The following EPB41L1 variants were observed in gnomAD, a reference collection of about 807,000 sequenced individuals.
EPB41L1 encodes the protein band 4.1-like protein 1.
In EPB41L1, 29 loss-of-function variants were observed where a neutral mutation model predicts 97.8. The ratio of observed to expected loss-of-function variants is 0.30; its 90% CI spans 0.22 to 0.40. The LOEUF (loss-of-function observed/expected upper bound fraction) is 0.40, where lower values mean the gene tolerates loss of function less well. Among genes scored for constraint, EPB41L1 ranks in the 10% least tolerant of loss-of-function variants. EPB41L1 has a pLI of 1.00. For missense variants in EPB41L1, 812 were observed against 1,162.3 expected, an observed-to-expected ratio of 0.70 and a Z score of 4.38; for synonymous variants, 383 against 459.2, an observed-to-expected ratio of 0.83 and a Z score of 2.12.
chr20:36,104,842 G>A (rs966600397), intron 1 of EPB41L1, among the ~76,000 whole-genome samples: 5 of 152,294 alleles, frequency 3.3e-5, no homozygotes, highest in Admixed American at 2.6e-4. Flanking sequence ...CAAGAACACC[G>A]AGTGAACTGG....
intron 2 of EPB41L1, among the ~76,000 whole-genome samples, chr20:36,139,191 G>A (rs1232486042): frequency 2.6e-5 from 4 of 152,328 alleles, no homozygotes; most frequent in Non-Finnish European, 5.9e-5. Context: ...GAGACGGCCC[G>A]GCTAGGCCAA....
At chr20:36,171,490 C>A (rs1342649149) in intron 1 of EPB41L1, among the ~76,000 whole-genome samples, 1 of 152,174 alleles carries the variant, frequency 6.6e-6, no homozygotes, top group Non-Finnish European at 1.5e-5. Context: ...TCCTCCTCAT[C>A]TTCCTTCTAA....
intron 11 of EPB41L1, among the ~76,000 whole-genome samples, chr20:36,193,157 G>A (rs1272937869): frequency 6.6e-6 from 1 of 152,188 alleles, no homozygotes; most frequent in Non-Finnish European, 1.5e-5. Flanking sequence ...GCAGAGGTTA[G>A]CCCAGAGCTG....
chr20:36,222,139 C>A lies in EPB41L1; in HGVS notation c.2521-139C>A, dbSNP rs1031442975. On this transcript the variant is annotated intron_variant, in intron 20 of 21. Transcript: ENST00000338074. ...GGAGCCAGAAGACCTGAGCTCTAGTCTCTCCCTTTAGTTGTTTGACTTTGC... is the reference window on the plus strand; with the variant it reads ...GGAGCCAGAAGACCTGAGCTCTAGTATCTCCCTTTAGTTGTTTGACTTTGC... 18 of 970,420 alleles carry A rather than the reference C, an allele frequency of 1.9e-5. No individual in the cohort carries two copies. The Admixed American group carries it at 2.2e-4, about 12-fold the overall frequency. The allele number at this position is 970,420 out of a possible 1,614,324, so 60.1% of individuals were successfully genotyped here.
intron 2 of EPB41L1, among the ~76,000 whole-genome samples, chr20:36,139,744 T>A (rs529355230): frequency 6.7e-6 from 1 of 149,070 alleles, no homozygotes; most frequent in Non-Finnish European, 1.5e-5. Flanking sequence ...TTATTTATTT[T>A]TTTTAAGACG....
intron 2 of EPB41L1, among the ~76,000 whole-genome samples, chr20:36,133,214 A>G (rs962202328): frequency 6.6e-6 from 1 of 152,278 alleles, no homozygotes; most frequent in African/African-American, 2.4e-5. Context: ...CATGAGGGCA[A>G]GATGAGTTCC....
rs1162186297 is a variant in EPB41L1 at position 36,093,742 on chromosome 20, T to TGGGTGC, written c.-65+2134_-65+2139dup. ...GCGCGCGCGTGTGTGGATGTGGGTGTGGGTGCGGGGTGGTGGTGGTAGCAA... is the reference window on the plus strand; with the variant it reads ...GCGCGCGCGTGTGTGGATGTGGGTGTGGGTGCGGGTGCGGGGTGGTGGTGGTAGCAA... On this transcript the variant is annotated intron_variant, in intron 1 of 19. Coordinates refer to the EPB41L1 transcript ENST00000202028. The surrounding 1 kb of genome is among the most constrained non-coding windows in gnomAD (Gnocchi z 5.4). 6.6e-6 allele frequency among the ~76,000 whole-genome samples: 1 copy of TGGGTGC among 151,826 alleles called. No homozygotes were observed.
intron 17 of EPB41L1, among the ~76,000 whole-genome samples, chr20:36,217,475 A>C (rs1339804513): frequency 1.3e-5 from 2 of 152,152 alleles, no homozygotes; most frequent in Non-Finnish European, 2.9e-5. Context: ...AGAGGAAGGG[A>C]GGAGCAGAGG....
chr20:36,169,451 T>C (rs1203887752), intron 1 of EPB41L1, among the ~76,000 whole-genome samples: 1 of 151,928 alleles, frequency 6.6e-6, no homozygotes, highest in Non-Finnish European at 1.5e-5. Flanking sequence ...CAGCAACGCT[T>C]AGTGTTGGGA....
intron 6 of EPB41L1, among the ~76,000 whole-genome samples, chr20:36,184,126 T>G (rs540188047): frequency 9.7e-4 from 148 of 152,030 alleles, no homozygotes; most frequent in Non-Finnish European, 1.9e-3. Flanking sequence ...TCCCAGCTAC[T>G]CAGGAGGCTG....
chr20:36,109,444 C>T (rs1012596432), intron 1 of EPB41L1, among the ~76,000 whole-genome samples: 1 of 152,212 alleles, frequency 6.6e-6, no homozygotes, highest in African/African-American at 2.4e-5. Context: ...CAGTGCCTGG[C>T]ATGCCTAAGC....
At chr20:36,158,719 A>G (rs2060413082) in intron 1 of EPB41L1, among the ~76,000 whole-genome samples, 1 of 152,194 alleles carries the variant, frequency 6.6e-6, no homozygotes, top group African/African-American at 2.4e-5. Flanking sequence ...CAGTTTCCTC[A>G]TTCGTAAAAT....
intron 1 of EPB41L1, among the ~76,000 whole-genome samples, chr20:36,157,654 A>G (rs1414645467): frequency 6.6e-6 from 1 of 152,106 alleles, no homozygotes; most frequent in African/African-American, 2.4e-5. Context: ...TGTGGACTGA[A>G]TATTACTATA....
At chr20:36,106,286 G>T (rs894615120) in intron 1 of EPB41L1, among the ~76,000 whole-genome samples, 1 of 152,226 alleles carries the variant, frequency 6.6e-6, no homozygotes, top group Non-Finnish European at 1.5e-5. Context: ...CTTATTCTGG[G>T]CCATTCTCTG....
At chr20:36,189,658 C>G (rs1439240272) in intron 9 of EPB41L1, among the ~76,000 whole-genome samples, 1 of 152,204 alleles carries the variant, frequency 6.6e-6, no homozygotes, top group Non-Finnish European at 1.5e-5. Context: ...TGACAGGAGC[C>G]CCTATGCCTT....
chr20:36,096,593 T>G (rs1351303396), intron 1 of EPB41L1, among the ~76,000 whole-genome samples: 1 of 152,216 alleles, frequency 6.6e-6, no homozygotes, highest in African/African-American at 2.4e-5. Context: ...ACTCCCACTC[T>G]TCATGTTTCA....
chr20:36,203,441 C>T (rs946600080), intron 14 of EPB41L1, among the ~76,000 whole-genome samples: 2 of 152,270 alleles, frequency 1.3e-5, no homozygotes, highest in African/African-American at 2.4e-5. Context: ...CCCTTTCTTC[C>T]TGCAGAGTCT....
In EPB41L1 at chr20:36,110,130, G is replaced by A. The variant is rs2058341489; in HGVS notation, c.-64-2296G>A. On this transcript the variant is annotated intron_variant, in intron 1 of 19. Transcript: ENST00000202028. The stretch of plus-strand genomic sequence containing the variant: ...CTAATTTTATATTTTTAGTAGAGAC[G>A]GGGTTTCTCCATGTTGGTCAGGCTG... Among the ~76,000 whole-genome samples, 3 of 151,846 alleles carry A rather than the reference G, an allele frequency of 2.0e-5. 1 individual carries two copies. Among genetic ancestry groups the A allele is most frequent in the Non-Finnish European group, 4.4e-5 (3 of 67,970 alleles).
intron 5 of EPB41L1, among the ~76,000 whole-genome samples, chr20:36,179,762 C>T (rs1357933412): frequency 6.6e-6 from 1 of 152,204 alleles, no homozygotes; most frequent in Non-Finnish European, 1.5e-5. Flanking sequence ...GCAGCTGGGC[C>T]CAGGGATGCC....
Sources: gnomAD v4.1 joint callset for allele counts (sites outside exome capture counted in the v4.1 genomes callset) on GRCh38, gnomAD v4.1.1 for gene constraint, Gnocchi (gnomAD v3.1) non-coding constraint, MANE v1.5 for transcripts, NCBI Gene and HGNC (gene_info 2026-07-23, HGNC 2026-07-21) for gene names.